Variants in MAF observed in about 807,000 individuals in gnomAD.
MAF encodes transcription factor Maf.
Under a neutral mutation model 22.0 loss-of-function variants are expected in MAF, and 10 were observed. That is an observed-to-expected ratio of 0.45 (90% CI 0.28 to 0.77). The LOEUF (loss-of-function observed/expected upper bound fraction) is 0.77. MAF is among the 30% of genes least tolerant of loss of function. The pLI, the probability that MAF is intolerant of heterozygous loss-of-function variation, is 0.12. For missense variants in MAF, 544 were observed against 548.4 expected (o/e 0.99, Z 0.08); for synonymous variants, 337 against 255.8 (o/e 1.32, Z -3.03).
chr16:79,456,995 A>G, the MAF span, among the ~76,000 whole-genome samples: 2 of 152,172 alleles, frequency 1.3e-5, no homozygotes. Context: ...GTGTGTGTAT[A>G]AGGGCTTATA....
the MAF span, among the ~76,000 whole-genome samples, chr16:79,401,917 T>G: frequency 6.6e-6 from 1 of 152,162 alleles, no homozygotes; most frequent in Non-Finnish European, 1.5e-5. Context: ...CTGCCATCAG[T>G]CAGCTCATTT....
chr16:79,455,199 C>T, the MAF span, among the ~76,000 whole-genome samples: 1 of 152,194 alleles, frequency 6.6e-6, no homozygotes, highest in Admixed American at 6.5e-5. Context: ...GATCATCATA[C>T]CTAGACTATC....
chr16:79,321,240 A>C, the MAF span, among the ~76,000 whole-genome samples: 1 of 152,206 alleles, frequency 6.6e-6, no homozygotes, highest in African/African-American at 2.4e-5. Flanking sequence ...GAGTGGATGG[A>C]ATCCATCACA....
the MAF span, among the ~76,000 whole-genome samples, chr16:79,276,578 T>C: frequency 6.6e-6 from 1 of 152,098 alleles, no homozygotes; most frequent in Non-Finnish European, 1.5e-5. Flanking sequence ...GTATTGCAAG[T>C]GAAGGGCTGG....
the MAF span, among the ~76,000 whole-genome samples, chr16:79,287,111 T>C: frequency 7.4e-6 from 1 of 134,520 alleles, no homozygotes; most frequent in South Asian, 2.7e-4. Flanking sequence ...CCACGTACTC[T>C]GCCTTCCTTT....
chr16:79,375,448 T>C, the MAF span, among the ~76,000 whole-genome samples: 3 of 152,196 alleles, frequency 2.0e-5, no homozygotes, highest in Non-Finnish European at 4.4e-5. Flanking sequence ...TTGTTCTTGA[T>C]GTTCTTTCCC....
At chr16:79,460,230 C>A in the MAF span, among the ~76,000 whole-genome samples, 1 of 152,028 alleles carries the variant, frequency 6.6e-6, no homozygotes, top group Non-Finnish European at 1.5e-5. Context: ...CTGACCGTAT[C>A]GATCTATTTC....
the MAF span, among the ~76,000 whole-genome samples, chr16:79,404,431 G>A: frequency 6.6e-6 from 1 of 152,082 alleles, no homozygotes; most frequent in Admixed American, 6.5e-5. Flanking sequence ...CAAAGTGCTG[G>A]AATTACTGCG....
the MAF span, among the ~76,000 whole-genome samples, chr16:79,409,132 C>T: frequency 1.3e-5 from 2 of 151,908 alleles, no homozygotes; most frequent in African/African-American, 4.8e-5. Flanking sequence ...TCCAGGTTCT[C>T]CTCCTCACTC....
chr16:79,445,368 G>C, the MAF span, among the ~76,000 whole-genome samples: 6 of 152,158 alleles, frequency 3.9e-5, no homozygotes, highest in African/African-American at 1.2e-4. Context: ...TTATGTATCA[G>C]TTCCCGGGAG....
the MAF span, among the ~76,000 whole-genome samples, chr16:79,487,421 C>T: frequency 4.8e-4 from 73 of 151,886 alleles, no homozygotes; most frequent in East Asian, 0.012. Flanking sequence ...AATTCGTGGG[C>T]CTATCATGCA....
At chr16:79,563,219 T>G in the MAF span, among the ~76,000 whole-genome samples, 1 of 152,184 alleles carries the variant, frequency 6.6e-6, no homozygotes, top group Non-Finnish European at 1.5e-5. Context: ...ATAACTCAAG[T>G]AACTCTGAAA....
chr16:79,558,301 A>G, the MAF span, among the ~76,000 whole-genome samples: 1 of 152,166 alleles, frequency 6.6e-6, no homozygotes, highest in Non-Finnish European at 1.5e-5. Flanking sequence ...GAAAGAAGAA[A>G]GAAGGAAGGG....
At chr16:79,334,957 C>G in the MAF span, among the ~76,000 whole-genome samples, 1 of 151,476 alleles carries the variant, frequency 6.6e-6, no homozygotes, top group Non-Finnish European at 1.5e-5. Context: ...GAGGCTGAGG[C>G]GGGCAGATCA....
At chr16:79,283,954 T>A in the MAF span, among the ~76,000 whole-genome samples, 1 of 115,284 alleles carries the variant, frequency 8.7e-6, no homozygotes, top group East Asian at 2.4e-4. Context: ...ATCTACCCCC[T>A]GCACCTCCTC....
the MAF span, among the ~76,000 whole-genome samples, chr16:79,535,260 A>G: frequency 1.2e-3 from 175 of 152,140 alleles, 1 homozygote; most frequent in African/African-American, 4.0e-3. Context: ...AGTTACTCAG[A>G]GACTGGCTGT....
the MAF span, among the ~76,000 whole-genome samples, chr16:79,515,658 C>T: frequency 6.6e-6 from 1 of 152,154 alleles, no homozygotes; most frequent in Non-Finnish European, 1.5e-5. Flanking sequence ...TCTGTATTTA[C>T]AACTCTCCTC....
the MAF span, among the ~76,000 whole-genome samples, chr16:79,578,249 T>A: frequency 2.6e-5 from 4 of 152,298 alleles, no homozygotes; most frequent in East Asian, 7.7e-4. Context: ...ACAGAATACA[T>A]TGATTTTTAT....
the MAF span, among the ~76,000 whole-genome samples, chr16:79,407,257 C>G: frequency 6.6e-6 from 1 of 152,194 alleles, no homozygotes; most frequent in Non-Finnish European, 1.5e-5. Flanking sequence ...ATTAACCCAC[C>G]TCCAGACGGG....
Sources: allele counts gnomAD v4.1 joint callset (sites outside exome capture counted in the v4.1 genomes callset), GRCh38; gene constraint gnomAD v4.1.1; transcripts MANE v1.5; gene names NCBI Gene and HGNC (gene_info 2026-07-23, HGNC 2026-07-21).